CXADR: variants seen among roughly 807,000 people sequenced by gnomAD.
The protein encoded by CXADR is CXADR cell adhesion molecule.
Under a neutral mutation model 40.3 loss-of-function variants are expected in CXADR, and 20 were observed. That is an observed-to-expected ratio of 0.50 (90% CI 0.35 to 0.72). The LOEUF (loss-of-function observed/expected upper bound fraction) is 0.72, where lower values mean the gene tolerates loss of function less well. Among genes scored for constraint, CXADR ranks in the 30% least tolerant of loss-of-function variants. The pLI is 0.01. For synonymous variants in CXADR, 150 were observed against 161.3 expected (o/e 0.93, Z 0.53); for missense variants, 332 against 449.1 (o/e 0.74, Z 2.36).
chr21:17,578,305 CTGTT>C lies in CXADR; in HGVS notation c.1017+12700_1017+12703del, dbSNP rs564203403. Among the ~76,000 whole-genome samples, 132 of 152,300 alleles carry C rather than the reference CTGTT, an allele frequency of 8.7e-4. 1 individual carries two copies. Among genetic ancestry groups the C allele is most frequent in the African/African-American group, 3.1e-3 (127 of 41,560 alleles). On this transcript the variant is annotated intron_variant, in intron 7 of 7. Transcript: ENST00000400169. Reference sequence around the variant, plus strand: ...GCACTTACCTTTGGTTTGTTTTTGTCTGTTTGTTTAATAGCTAAACTGACAGGTG... The same window carrying C: ...GCACTTACCTTTGGTTTGTTTTTGTCTGTTTAATAGCTAAACTGACAGGTG...
At chr21:17,552,021 G>A in intron 3 of CXADR, 68 bp downstream of exon 3, 1 of 1,166,366 alleles carries the variant, frequency 8.6e-7, no homozygotes, top group South Asian at 1.3e-5. Flanking sequence ...TACTGTAGTA[G>A]CAGCACTTGT....
exon 8 of CXADR, chr21:17,593,230 T>A: frequency 7.2e-7 from 1 of 1,381,580 alleles, no homozygotes; most frequent in Non-Finnish European, 9.5e-7. Context: ...ATTGTATTAT[T>A]TGACTTTATT....
chr21:17,627,902 CA>C, the CXADR span, among the ~76,000 whole-genome samples: 1 of 152,146 alleles, frequency 6.6e-6, no homozygotes, highest in Non-Finnish European at 1.5e-5. Context: ...AATATGGAAA[CA>C]AATCCAATTC....
the CXADR span, among the ~76,000 whole-genome samples, chr21:17,616,283 T>C: frequency 4.6e-5 from 7 of 150,956 alleles, no homozygotes; most frequent in Non-Finnish European, 7.4e-5. Context: ...AAAACAGTCT[T>C]GGGTACCATC....
rs201550067 is a variant in CXADR, at chr21:17,551,630, CT to C, written c.211-114del. 1,046 of 791,304 alleles carry C rather than the reference CT, an allele frequency of 1.3e-3. 8 individuals carry two copies. The African/African-American group carries it at 0.015, about 11-fold the overall frequency. The allele number at this position is 791,304 out of a possible 1,614,324, so 49.0% of individuals were successfully genotyped here. The stretch of plus-strand genomic sequence containing the variant: ...TGTTTCCCCATAATACTGTGTTCTT[CT>C]TTTTCTTTTCTGGGAGGGGGCGTTC... On this transcript the variant is annotated intron_variant, in intron 2 of 6. Coordinates refer to ENST00000284878, the MANE Select transcript of CXADR (RefSeq NM_001338.5).
chr21:17,535,969 C>G (rs530190179), intron 1 of CXADR, among the ~76,000 whole-genome samples: 17 of 152,310 alleles, frequency 1.1e-4, no homozygotes, highest in Middle Eastern at 6.8e-3. Context: ...GATTGTGTCA[C>G]TGCACTCTAG....
At chr21:17,540,808 T>C (rs1199296375) in intron 1 of CXADR, among the ~76,000 whole-genome samples, 1 of 152,256 alleles carries the variant, frequency 6.6e-6, no homozygotes, top group Non-Finnish European at 1.5e-5. Context: ...TTACTTTCTG[T>C]GTTGCCACAG....
intron 6 of CXADR, among the ~76,000 whole-genome samples, chr21:17,563,542 A>T (rs777743181): frequency 2.0e-5 from 3 of 152,136 alleles, no homozygotes; most frequent in Middle Eastern, 6.3e-3. Context: ...ATCAAAGATC[A>T]CTGATCACAG....
chr21:17,620,296 G>A, the CXADR span, among the ~76,000 whole-genome samples: 2 of 152,146 alleles, frequency 1.3e-5, no homozygotes, highest in African/African-American at 4.8e-5. Context: ...TAATTTCAAT[G>A]TTGTTGTGTC....
the CXADR span, among the ~76,000 whole-genome samples, chr21:17,602,492 G>GA: frequency 6.6e-6 from 1 of 152,046 alleles, no homozygotes; most frequent in Non-Finnish European, 1.5e-5. Context: ...CAGTTTTGGT[G>GA]AAAAAATATT....
chr21:17,587,304 G>C (rs895581204), intron 7 of CXADR, among the ~76,000 whole-genome samples: 2 of 152,066 alleles, frequency 1.3e-5, no homozygotes, highest in Non-Finnish European at 2.9e-5. Flanking sequence ...GATCCCTGAG[G>C]AATCGCCACA....
intron 1 of CXADR, among the ~76,000 whole-genome samples, chr21:17,525,647 C>G (rs1463932319): frequency 1.3e-5 from 2 of 152,212 alleles, no homozygotes; most frequent in Non-Finnish European, 2.9e-5. Flanking sequence ...ATTGAGAAGA[C>G]TCTTAACTTA....
intron 2 of CXADR, 34 bp from the exon 3 acceptor site, chr21:17,551,714 GT>G (rs1569116584): frequency 6.4e-7 from 1 of 1,562,882 alleles, no homozygotes; most frequent in East Asian, 2.3e-5. Context: ...GTGTGTGTTT[GT>G]TTTTCCTCCT....
rs973589086 is a variant in CXADR, at chr21:17,568,243, C to T, written c.*2551C>T. On this transcript the variant is annotated 3_prime_UTR_variant, in exon 7 of 7. Coordinates refer to ENST00000284878, the MANE Select transcript of CXADR (RefSeq NM_001338.5). Reference sequence around the variant, plus strand: ...TCCCAGGTTCACGCCATTCTCCTGCCTCAGCCTCCCGAGCAGCTGGGACTA... The same window carrying T: ...TCCCAGGTTCACGCCATTCTCCTGCTTCAGCCTCCCGAGCAGCTGGGACTA... The T allele has an allele frequency of 1.8e-4, 156 of 889,174 alleles. No homozygotes were observed. Among genetic ancestry groups the T allele is most frequent in the Non-Finnish European group, 2.0e-4 (152 of 743,566 alleles). 55.1% of individuals were successfully genotyped at this position (889,174 alleles called of 1,614,324 possible). A position where few individuals can be genotyped will look rare whatever the true frequency, so the allele number is the denominator to read the frequency against.
At chr21:17,556,294 AC>A (rs1241430753) in intron 3 of CXADR, among the ~76,000 whole-genome samples, 9 of 152,166 alleles carry the variant, frequency 5.9e-5, no homozygotes, top group Admixed American at 3.3e-4. Flanking sequence ...AAAGACTTGT[AC>A]TTCCTCTTCC....
chr21:17,594,014 A>G (rs1302749350), downstream of CXADR: 1 of 1,499,780 alleles, frequency 6.7e-7, no homozygotes, highest in Admixed American at 2.2e-5. Context: ...ACTATTAGTA[A>G]GAACTTTTAA....
At position 17,547,092 on chromosome 21, in the gene CXADR, G is replaced by A; in HGVS notation, c.109G>A (p.Ala37Thr). ...EMIEKAKGET[A>T]YLPCKFTLSP... ...GATTGAAAAAGCCAAAGGGGAAACT[G>A]CCTATCTGCCATGCAAATTTACGCT... is the stretch of plus-strand genomic sequence containing the variant. The change falls in exon 2 of 7, where the codon GCC becomes ACC. Residue 37 changes from alanine to threonine, a missense_variant. Ala to Thr is a moderately conservative substitution (Grantham distance 58). This residue lies in a region of CXADR where 162 missense variants were observed against 198.5 expected (regional missense o/e 0.82). Transcript: ENST00000284878. 1.2e-6 allele frequency: 2 copies of A among 1,614,026 alleles called. No individual in the cohort carries two copies. The highest frequency in any genetic ancestry group is 1.7e-6 in the Non-Finnish European group (2 of 1,179,992).
At chr21:17,596,049 T>C (rs375976678), downstream of CXADR, among the ~76,000 whole-genome samples, 7 of 152,074 alleles carry the variant, frequency 4.6e-5, no homozygotes, top group East Asian at 7.7e-4. Context: ...ACTCCTTTTG[T>C]AAAGTGTTTA....
the CXADR span, among the ~76,000 whole-genome samples, chr21:17,599,515 T>C: frequency 2.0e-5 from 3 of 151,358 alleles, no homozygotes; most frequent in Non-Finnish European, 4.4e-5. Context: ...CTCACTCTGT[T>C]GCCCAGGCTG....
Sources: gnomAD v4.1 joint callset for allele counts (sites outside exome capture counted in the v4.1 genomes callset) on GRCh38, gnomAD v4.1.1 for gene constraint, gnomAD v4.1.1 regional missense constraint, MANE v1.5 for transcripts, NCBI Gene and HGNC (gene_info 2026-07-23, HGNC 2026-07-21) for gene names.